Variants in GTPBP4 observed in about 807,000 individuals in gnomAD.
The protein encoded by GTPBP4 is GTP binding protein 4.
A neutral mutation model predicts 81.7 loss-of-function variants in GTPBP4; 15 were observed. That is an observed-to-expected ratio of 0.18 (90% CI 0.12 to 0.28). The LOEUF (loss-of-function observed/expected upper bound fraction) is 0.28, where lower values mean the gene tolerates loss of function less well. Among genes scored for constraint, GTPBP4 ranks in the 10% least tolerant of loss-of-function variants. The pLI, the probability that GTPBP4 is intolerant of heterozygous loss-of-function variation, is 1.00. For missense variants in GTPBP4, 847 were observed against 793.8 expected (o/e 1.07, Z -0.81); for synonymous variants, 272 against 274.6 (o/e 0.99, Z 0.09).
In GTPBP4 at chr10:1,000,932, T is replaced by C; in HGVS notation, c.847-16T>C. The C allele has an allele frequency of 3.7e-6, 6 of 1,610,070 alleles. No individual in the cohort carries two copies. The highest frequency in any genetic ancestry group is 5.1e-6 in the Non-Finnish European group (6 of 1,176,240). On this transcript the variant is annotated splice_polypyrimidine_tract_variant and intron_variant, in intron 7 of 16. Transcript: ENST00000360803. Reference sequence around the variant, plus strand: ...GTACGAGAATAATGATTTCATTATTTTTCTTCCTTGCCTAGCCTCTCATAG... The same window carrying C: ...GTACGAGAATAATGATTTCATTATTCTTCTTCCTTGCCTAGCCTCTCATAG...
chr10:1,012,637 C>T lies in GTPBP4; in HGVS notation c.1517C>T (p.Pro506Leu), dbSNP rs140995147. ...LESKEKNTQG[P>L]RMPRTAKKVQ... is the part of the protein sequence containing the mutation. ...TCCAAAGAAAAGAATACACAGGGAC[C>T]CAGGATGCCGCGAACTGCTAAGAAG... Residue 506 changes from proline to leucine, a missense_variant, in exon 14 of 17, where the codon CCC becomes CTC. By Grantham distance (98) the Pro-to-Leu change is moderately conservative. Transcript: ENST00000360803. 3 of 1,613,374 alleles carry T rather than the reference C, an allele frequency of 1.9e-6. No homozygotes were observed. The highest frequency in any genetic ancestry group is 2.5e-6 in the Non-Finnish European group (3 of 1,179,658).
At chr10:1,001,440 C>T (rs1242000612) in intron 8 of GTPBP4, among the ~76,000 whole-genome samples, 1 of 152,184 alleles carries the variant, frequency 6.6e-6, no homozygotes, top group Non-Finnish European at 1.5e-5. Flanking sequence ...TGAGACGTGC[C>T]TGCTAGCTTT....
chr10:1,014,976 CGTCTGATGGTTTCT>C (rs1471622916), intron 15 of GTPBP4, among the ~76,000 whole-genome samples: 2 of 152,108 alleles, frequency 1.3e-5, no homozygotes, highest in Admixed American at 6.5e-5. Flanking sequence ...CTGCAGTTTC[CGTCTGATGGTTTCT>C]GTCTGATGGT....
chr10:999,110 T>A lies in GTPBP4; in HGVS notation c.654+15T>A. On this transcript the variant is annotated intron_variant, in intron 6 of 16. Coordinates refer to ENST00000360803, the MANE Select transcript of GTPBP4 (RefSeq NM_012341.3). ...TACGTTGGCAGGTGAGAGTCTTGTC[T>A]TTATTTTTATTCATTTATTTATTTT... 7.5e-7 allele frequency: 1 copy of A among 1,326,060 alleles called. No homozygotes were observed. Among genetic ancestry groups the A allele is most frequent in the Non-Finnish European group, 1.1e-6 (1 of 917,424 alleles). 82.1% of individuals were successfully genotyped at this position (1,326,060 alleles called of 1,614,324 possible). A position where few individuals can be genotyped will look rare whatever the true frequency, so the allele number is the denominator to read the frequency against.
At chr10:995,717 G>A (rs1055555120) in intron 2 of GTPBP4, among the ~76,000 whole-genome samples, 6 of 152,136 alleles carry the variant, frequency 3.9e-5, no homozygotes, top group Non-Finnish European at 8.8e-5. Context: ...CACTGAGAGC[G>A]AGGTGGGTGG....
chr10:1,017,259 T>G lies in GTPBP4; in HGVS notation c.*32T>G. 2 of 1,596,568 alleles carry G rather than the reference T, an allele frequency of 1.3e-6. No individual in the cohort carries two copies. Among genetic ancestry groups the G allele is most frequent in the Non-Finnish European group, 1.7e-6 (2 of 1,166,578 alleles). On this transcript the variant is annotated 3_prime_UTR_variant, in exon 17 of 17. Coordinates refer to ENST00000360803, the MANE Select transcript of GTPBP4 (RefSeq NM_012341.3). Reference sequence around the variant, plus strand: ...TTTGGTTGGCGTGGCTTCGCTAGAGTGTTGCTGTTTATTTCCTGGTTTGGC... The same window carrying G: ...TTTGGTTGGCGTGGCTTCGCTAGAGGGTTGCTGTTTATTTCCTGGTTTGGC...
chr10:995,087 G>A (rs1831514638), intron 2 of GTPBP4, among the ~76,000 whole-genome samples: 1 of 152,188 alleles, frequency 6.6e-6, no homozygotes, highest in South Asian at 2.1e-4. Flanking sequence ...TGGTAGTCAA[G>A]GGTCGAGTTT....
rs760312067 is a variant in GTPBP4, at chr10:1,019,485, A to C, written c.*2258A>C. 6.4e-7 allele frequency: 1 copy of C among 1,573,096 alleles called. No homozygotes were observed. Among genetic ancestry groups the C allele is most frequent in the Non-Finnish European group, 8.7e-7 (1 of 1,153,808 alleles). ...TGGTGCGTCTGCCTGCACTGAGGGC[A>C]TTACACATGGCTGACTCGACCTCCC... On this transcript the variant is annotated 3_prime_UTR_variant, in exon 17 of 17. Coordinates refer to ENST00000360803, the MANE Select transcript of GTPBP4 (RefSeq NM_012341.3).
intron 13 of GTPBP4, among the ~76,000 whole-genome samples, chr10:1,011,928 C>T (rs998233057): frequency 5.3e-5 from 8 of 152,264 alleles, no homozygotes; most frequent in South Asian, 2.1e-4. Flanking sequence ...GCCTGGCCCC[C>T]GTCTCACCCT....
At position 1,007,135 on chromosome 10, in the gene GTPBP4, C is replaced by T. The variant is rs537739511; in HGVS notation, c.1113+7C>T. ...AACCAGGAGGGACGATAAGGTAAGA[C>T]GGCCCCTGGGACAGCCGTGGGCTCA... On this transcript the variant is annotated splice_region_variant and intron_variant, in intron 10 of 16. Transcript: ENST00000360803. 20 of 1,488,948 alleles carry T rather than the reference C, an allele frequency of 1.3e-5. No homozygotes were observed. Among genetic ancestry groups the T allele is most frequent in the East Asian group, 4.5e-5 (2 of 44,310 alleles). The allele number at this position is 1,488,948 out of a possible 1,614,324, so 92.2% of individuals were successfully genotyped here.
chr10:1,013,811 C>T (rs1400506865), intron 14 of GTPBP4, among the ~76,000 whole-genome samples: 2 of 152,174 alleles, frequency 1.3e-5, no homozygotes, highest in African/African-American at 4.8e-5. Context: ...TTTGAATACA[C>T]TGTTTTCACA....
chr10:999,710 A>G (rs1221223381), intron 6 of GTPBP4, among the ~76,000 whole-genome samples: 4 of 152,172 alleles, frequency 2.6e-5, no homozygotes, highest in Non-Finnish European at 4.4e-5. Context: ...TGTAATCCCA[A>G]CACTTTGGGA....
chr10:996,111 C>G lies in GTPBP4; in HGVS notation c.329C>G (p.Ala110Gly). ...ATATTTTTTATTTTTTACAGTGTTG[C>G]TAAAGATTATGTGCGACTGATGAAG... Reference protein sequence around the residue: ...NIAKNLVDNVAKDYVRLMKYG... With the variant: ...NIAKNLVDNVGKDYVRLMKYG... Residue 110 changes from alanine (A) to glycine (G), a missense_variant, in exon 4 of 17, where the codon GCT becomes GGT. By Grantham distance (60) the Ala-to-Gly change is moderately conservative (BLOSUM62 0). This residue lies in a region of GTPBP4 where 241 missense variants were observed against 216.3 expected (regional missense o/e 1.11). Transcript: ENST00000360803. The G allele has an allele frequency of 6.2e-7, 1 of 1,602,354 alleles. No individual in the cohort carries two copies. The highest frequency in any genetic ancestry group is 8.5e-7 in the Non-Finnish European group (1 of 1,172,016).
chr10:1,019,825 C>T lies in GTPBP4; in HGVS notation c.*2598C>T. 1 of 1,611,656 alleles carries T rather than the reference C, an allele frequency of 6.2e-7. No homozygotes were observed. Among genetic ancestry groups the T allele is most frequent in the Non-Finnish European group, 8.5e-7 (1 of 1,177,798 alleles). ...TAGATTGTCATGAACACAATGTCCT[C>T]TGGAGAAATCTATTGACAGAAATTG... On this transcript the variant is annotated 3_prime_UTR_variant, in exon 17 of 17. Transcript: ENST00000360803.
intron 1 of GTPBP4, among the ~76,000 whole-genome samples, chr10:992,238 A>C (rs1831457237): frequency 6.6e-6 from 1 of 151,232 alleles, no homozygotes; most frequent in Admixed American, 6.6e-5. Flanking sequence ...ATCTCTACTA[A>C]AAATGCAAAA....
chr10:1,009,855 T>C (rs548803562), intron 12 of GTPBP4, among the ~76,000 whole-genome samples: 5 of 152,098 alleles, frequency 3.3e-5, no homozygotes, highest in African/African-American at 1.2e-4. Context: ...ATTAGCCGGG[T>C]GTGGTGGCAT....
In GTPBP4 at chr10:992,582, A is replaced by G. The variant is rs201677153; in HGVS notation, c.142A>G (p.Met48Val). The G allele has an allele frequency of 2.5e-6, 4 of 1,599,864 alleles. No individual in the cohort carries two copies. Among genetic ancestry groups the G allele is most frequent in the Admixed American group, 1.7e-5 (1 of 59,942 alleles). Residue 48 changes from methionine (M) to valine (V), a missense_variant, in exon 2 of 17, where the codon ATG (methionine) becomes GTG (valine). Coordinates refer to ENST00000360803, the MANE Select transcript of GTPBP4 (RefSeq NM_012341.3). ...AATACATCGCATTAGACATTTTTAC[A>G]TGAGAAAAGTCAAATTTACTCAACA... Reference protein sequence around the residue: ...YQIHRIRHFYMRKVKFTQQNY... With the variant: ...YQIHRIRHFYVRKVKFTQQNY...
chr10:994,125 C>T (rs552301432), intron 2 of GTPBP4, among the ~76,000 whole-genome samples: 3 of 152,260 alleles, frequency 2.0e-5, no homozygotes, highest in African/African-American at 7.2e-5. Context: ...AGGACGGACA[C>T]TTAGGTTGTG....
chr10:1,002,601 G>T (rs887752027), intron 8 of GTPBP4, among the ~76,000 whole-genome samples: 8 of 152,150 alleles, frequency 5.3e-5, no homozygotes, highest in African/African-American at 1.9e-4. Context: ...TGGTCTAGTA[G>T]TGACGAATTC....
Sources: allele counts gnomAD v4.1 joint callset (sites outside exome capture counted in the v4.1 genomes callset), GRCh38; gene constraint gnomAD v4.1.1; regional missense constraint gnomAD v4.1.1; transcripts MANE v1.5; gene names NCBI Gene and HGNC (gene_info 2026-07-23, HGNC 2026-07-21).